The following RAPGEF6 variants were observed in gnomAD, a reference collection of about 807,000 sequenced individuals.
RAPGEF6 encodes PDZ domain containing guanine nucleotide exchange factor (GEF) 2.
A neutral mutation model predicts 171.4 loss-of-function variants in RAPGEF6; 56 were observed. The observed-to-expected ratio is 0.33, with a 90% CI of 0.26 to 0.41. The LOEUF is 0.41. Among genes scored for constraint, RAPGEF6 ranks in the 10% least tolerant of loss-of-function variants. The probability of loss-of-function intolerance (pLI) is 1.00; values close to 1 mark genes in which losing one functional copy is unlikely to be tolerated. For missense variants in RAPGEF6, 1,674 were observed against 1,921.4 expected (o/e 0.87, Z 2.41); for synonymous variants, 692 against 650.1 (o/e 1.06, Z -0.98).
intron 20 of RAPGEF6, among the ~76,000 whole-genome samples, chr5:131,453,554 A>G (rs569545596): frequency 6.6e-6 from 1 of 152,266 alleles, no homozygotes; most frequent in Non-Finnish European, 1.5e-5. Flanking sequence ...CTGTGCCACT[A>G]CACTTCAGCC....
At chr5:131,485,273 G>A (rs1163929713) in intron 15 of RAPGEF6, among the ~76,000 whole-genome samples, 1 of 152,142 alleles carries the variant, frequency 6.6e-6, no homozygotes, top group Non-Finnish European at 1.5e-5. Context: ...AAGCCAAGAG[G>A]AATAAGTTAA....
chr5:131,519,992 G>A (rs149757015), intron 7 of RAPGEF6, among the ~76,000 whole-genome samples: 277 of 152,150 alleles, frequency 1.8e-3, no homozygotes, highest in Middle Eastern at 0.014. Context: ...TGGAGAACAG[G>A]GAAAAATTCC....
intron 7 of RAPGEF6, among the ~76,000 whole-genome samples, chr5:131,513,699 A>G (rs974140526): frequency 6.6e-6 from 1 of 152,184 alleles, no homozygotes; most frequent in African/African-American, 2.4e-5. Flanking sequence ...GAAAGAATAT[A>G]ATCTACCCTT....
At chr5:131,520,138 T>C (rs1315113108) in intron 7 of RAPGEF6, among the ~76,000 whole-genome samples, 1 of 152,248 alleles carries the variant, frequency 6.6e-6, no homozygotes, top group Non-Finnish European at 1.5e-5. Context: ...CAAACTTCCC[T>C]GAATAGAAGA....
chr5:131,586,580 A>C (rs906922801), intron 4 of RAPGEF6, among the ~76,000 whole-genome samples: 1 of 152,194 alleles, frequency 6.6e-6, no homozygotes, highest in African/African-American at 2.4e-5. Context: ...GCAGTGGGCC[A>C]AAATTGTGCC....
At chr5:131,496,835 C>T (rs1561511452) in intron 12 of RAPGEF6, among the ~76,000 whole-genome samples, 1 of 152,134 alleles carries the variant, frequency 6.6e-6, no homozygotes, top group South Asian at 2.1e-4. Flanking sequence ...CGTTTGCACA[C>T]CTGTTTTTAA....
Position 131,504,798 on chromosome 5 carries a change from G to A in RAPGEF6, c.1102-20C>T. On this transcript the variant is annotated intron_variant, in intron 10 of 27. Coordinates refer to ENST00000509018, the MANE Select transcript of RAPGEF6 (RefSeq NM_016340.6). ...GACAAACTGTCCAAGAACAACATGG[G>A]GACAGTTAATGAACCTATAGTACAT... 1 of 1,601,558 alleles carries A rather than the reference G, an allele frequency of 6.2e-7. No individual in the cohort carries two copies. Among genetic ancestry groups the A allele is most frequent in the Non-Finnish European group, 8.5e-7 (1 of 1,174,098 alleles).
chr5:131,614,484 G>A (rs1408845093), intron 1 of RAPGEF6, among the ~76,000 whole-genome samples: 1 of 152,044 alleles, frequency 6.6e-6, no homozygotes, highest in East Asian at 1.9e-4. Flanking sequence ...GAGAGAGACA[G>A]CAAAGTAGAA....
chr5:131,506,411 T>C (rs1010395809), intron 9 of RAPGEF6, among the ~76,000 whole-genome samples: 6 of 152,204 alleles, frequency 3.9e-5, no homozygotes, highest in Non-Finnish European at 8.8e-5. Flanking sequence ...ACTACAAGCA[T>C]GAGCCACTGC....
At chr5:131,514,450 C>T (rs1244671821) in intron 7 of RAPGEF6, among the ~76,000 whole-genome samples, 1 of 151,876 alleles carries the variant, frequency 6.6e-6, no homozygotes, top group Non-Finnish European at 1.5e-5. Context: ...CCACAATGTT[C>T]AGCATACAAT....
rs186836565 is a variant in RAPGEF6 at position 131,530,619 on chromosome 5, A to T, written c.496-9098T>A. ...AACATGAGGGAAGGGGGATGGAGAC[A>T]TGTACTCTTACAAATACTTGATTTA... On this transcript the variant is annotated intron_variant, in intron 6 of 27. Transcript: ENST00000509018. Among the ~76,000 whole-genome samples, 15 of 152,336 alleles carry T rather than the reference A, an allele frequency of 9.8e-5. No individual in the cohort carries two copies. In the East Asian group the frequency reaches 2.9e-3, roughly 29 times the overall value.
chr5:131,475,340 T>G (rs1181964498), intron 16 of RAPGEF6, among the ~76,000 whole-genome samples: 1 of 152,174 alleles, frequency 6.6e-6, no homozygotes, highest in East Asian at 1.9e-4. Context: ...AAAAATCGTT[T>G]AAAAATATTC....
chr5:131,503,018 G>A (rs931423664), intron 11 of RAPGEF6, among the ~76,000 whole-genome samples: 1 of 152,116 alleles, frequency 6.6e-6, no homozygotes, highest in Non-Finnish European at 1.5e-5. Context: ...GGCCAGGCTG[G>A]TCTCGAACTC....
chr5:131,545,411 A>G (rs1760455243), intron 6 of RAPGEF6, among the ~76,000 whole-genome samples: 2 of 149,346 alleles, frequency 1.3e-5, no homozygotes, highest in South Asian at 4.2e-4. Flanking sequence ...CACATTAAGG[A>G]AAAAAAAAAC....
intron 26 of RAPGEF6, 45 bp from the exon 27 acceptor site, chr5:131,429,261 G>GA: frequency 7.1e-7 from 1 of 1,400,264 alleles, no homozygotes; most frequent in African/African-American, 1.5e-5. Context: ...AAAAAGAAAT[G>GA]GAAAAAAAAA....
intron 16 of RAPGEF6, among the ~76,000 whole-genome samples, chr5:131,475,182 C>T (rs1490945270): frequency 1.3e-5 from 2 of 152,186 alleles, no homozygotes; most frequent in African/African-American, 2.4e-5. Context: ...CTGCTATGTA[C>T]AATCCATGCT....
At chr5:131,531,715 A>G (rs1220877490) in intron 6 of RAPGEF6, among the ~76,000 whole-genome samples, 2 of 152,222 alleles carry the variant, frequency 1.3e-5, no homozygotes, top group Non-Finnish European at 2.9e-5. Context: ...TGACAGCATC[A>G]TATTAATGAA....
intron 24 of RAPGEF6, 69 bp from the exon 25 acceptor site, chr5:131,433,727 G>A (rs1287207993): frequency 8.6e-6 from 10 of 1,166,192 alleles, no homozygotes; most frequent in East Asian, 4.8e-5. Flanking sequence ...GTAGGGGAAA[G>A]GATGAAAAAA....
At chr5:131,523,493 G>A (rs1758649425) in intron 6 of RAPGEF6, among the ~76,000 whole-genome samples, 1 of 151,732 alleles carries the variant, frequency 6.6e-6, no homozygotes, top group Admixed American at 6.6e-5. Flanking sequence ...TACAATTATG[G>A]AAATTAAAAA....
Sources: allele counts gnomAD v4.1 joint callset (sites outside exome capture counted in the v4.1 genomes callset), GRCh38; gene constraint gnomAD v4.1.1; transcripts MANE v1.5; gene names NCBI Gene and HGNC (gene_info 2026-07-23, HGNC 2026-07-21).